Variants in CYB5A observed in about 807,000 individuals in gnomAD.
The protein encoded by CYB5A is cytochrome b5 type A, also known as cytochrome b5.
A neutral mutation model predicts 16.2 loss-of-function variants in CYB5A; 10 were observed. The observed-to-expected ratio is 0.62, with a 90% CI of 0.38 to 1.04. CYB5A has a LOEUF of 1.04. Among genes scored for constraint, CYB5A ranks in the 50% least tolerant of loss-of-function variants. CYB5A has a pLI of 0.01. For missense variants in CYB5A, 161 were observed against 165.9 expected, an observed-to-expected ratio of 0.97 and a Z score of 0.16; for synonymous variants, 62 against 57.0, an observed-to-expected ratio of 1.09 and a Z score of -0.40.
intron 1 of CYB5A, among the ~76,000 whole-genome samples, chr18:74,269,163 A>C (rs142128548): frequency 2.6e-4 from 39 of 152,302 alleles, no homozygotes; most frequent in African/African-American, 8.7e-4. Context: ...CCTGCATTGT[A>C]AACAGTAATG....
intron 1 of CYB5A, among the ~76,000 whole-genome samples, chr18:74,275,143 T>C (rs1323089339): frequency 6.6e-6 from 1 of 152,190 alleles, no homozygotes; most frequent in Non-Finnish European, 1.5e-5. Flanking sequence ...GGAGGTACCC[T>C]TCGCTGAACA....
chr18:74,266,261 T>C (rs1183942103), intron 1 of CYB5A, among the ~76,000 whole-genome samples: 1 of 152,114 alleles, frequency 6.6e-6, no homozygotes, highest in Non-Finnish European at 1.5e-5. Context: ...ACCTACTGAG[T>C]AGAGAGAAGC....
chr18:74,269,783 C>A (rs1219652557), intron 1 of CYB5A, among the ~76,000 whole-genome samples: 1 of 152,178 alleles, frequency 6.6e-6, no homozygotes, highest in Middle Eastern at 3.2e-3. Flanking sequence ...CCCCTGCTAC[C>A]ACCCAGGGAC....
At chr18:74,285,470 C>A (rs1983281945) in intron 1 of CYB5A, among the ~76,000 whole-genome samples, 1 of 152,182 alleles carries the variant, frequency 6.6e-6, no homozygotes, top group Admixed American at 6.5e-5. Flanking sequence ...CAGAAGTACA[C>A]AGCCAAATTC....
intron 2 of CYB5A, among the ~76,000 whole-genome samples, chr18:74,262,030 G>T (rs12965502): frequency 0.71 from 108,086 of 152,112 alleles, 38,581 homozygotes; most frequent in East Asian, 0.88. Context: ...CAGAGCGCTC[G>T]GCAACTTCTT....
intron 4 of CYB5A, among the ~76,000 whole-genome samples, chr18:74,255,003 G>C (rs1349705136): frequency 1.3e-5 from 2 of 152,282 alleles, no homozygotes; most frequent in South Asian, 4.1e-4. Flanking sequence ...AGAATTACAA[G>C]TGTAACTTTT....
chr18:74,269,127 T>C (rs1442682792), intron 1 of CYB5A, among the ~76,000 whole-genome samples: 1 of 152,126 alleles, frequency 6.6e-6, no homozygotes, highest in Non-Finnish European at 1.5e-5. Context: ...CAATACTAAG[T>C]GACTTTCAGG....
intron 1 of CYB5A, among the ~76,000 whole-genome samples, chr18:74,288,454 T>C (rs1290533483): frequency 2.0e-5 from 3 of 152,200 alleles, no homozygotes; most frequent in African/African-American, 7.2e-5. Flanking sequence ...ATCTTTCCTA[T>C]TTAGGTAAAT....
At position 74,290,065 on chromosome 18, in the gene CYB5A, G is replaced by A. The variant is rs1983475533; in HGVS notation, c.129+1682C>T. Among the ~76,000 whole-genome samples, 8 of 152,256 alleles carry A rather than the reference G, an allele frequency of 5.3e-5. No individual in the cohort carries two copies. The South Asian group carries it at 1.7e-3, about 32-fold the overall frequency. ...TGTATCTTAAAATTCCACATTTAGAGTTAATGAGAATTGATGTTATATGAC... is the reference window on the plus strand; with the variant it reads ...TGTATCTTAAAATTCCACATTTAGAATTAATGAGAATTGATGTTATATGAC... On this transcript the variant is annotated intron_variant, in intron 1 of 4. Coordinates refer to ENST00000340533, the MANE Select transcript of CYB5A (RefSeq NM_148923.4).
In CYB5A at chr18:74,277,435, G is replaced by T. The variant is rs370322564; in HGVS notation, c.130-13958C>A. ...AAGGTCATGGCATGAAACTAAAGAG[G>T]CCCCTCTGGCAGTCACCCAGCTTGC... On this transcript the variant is annotated intron_variant, in intron 1 of 4. Coordinates refer to ENST00000340533, the MANE Select transcript of CYB5A (RefSeq NM_148923.4). Among the ~76,000 whole-genome samples, 13 of 152,124 alleles carry T rather than the reference G, an allele frequency of 8.5e-5. No individual in the cohort carries two copies. The East Asian group carries it at 2.5e-3, about 29-fold the overall frequency.
intron 4 of CYB5A, 72 bp downstream of exon 4, chr18:74,255,669 G>T: frequency 7.9e-7 from 1 of 1,265,782 alleles, no homozygotes; most frequent in Non-Finnish European, 1.2e-6. Flanking sequence ...GAAGGTGGGG[G>T]ACGCACCTTG....
Position 74,285,872 on chromosome 18 carries a change from G to A in CYB5A, c.129+5875C>T, listed in dbSNP as rs540910177. 2.3e-3 allele frequency among the ~76,000 whole-genome samples: 336 copies of A among 148,834 alleles called. 3 individuals are homozygous for A. The highest frequency in any genetic ancestry group is 8.3e-3 in the African/African-American group (333 of 40,274). On this transcript the variant is annotated intron_variant, in intron 1 of 4. Transcript: ENST00000340533. The stretch of plus-strand genomic sequence containing the variant: ...AAAAAAAAAAAAAAAAAAAGTAGAA[G>A]TGTACATCCTTTCACCCAAGAATCC...
At chr18:74,259,973 T>C (rs1982135477) in intron 3 of CYB5A, 1 of 152,202 alleles carries the variant, frequency 6.6e-6, no homozygotes, top group South Asian at 2.1e-4. Context: ...TACTAAATAG[T>C]ATTACACAAG....
intron 3 of CYB5A, chr18:74,257,258 G>C (rs1982022545): frequency 3.9e-6 from 1 of 258,778 alleles, no homozygotes; most frequent in African/African-American, 2.3e-5. Context: ...TGGTTACCAT[G>C]GGAGAGCGCT....
At chr18:74,267,979 G>A (rs1350125699) in intron 1 of CYB5A, among the ~76,000 whole-genome samples, 1 of 152,214 alleles carries the variant, frequency 6.6e-6, no homozygotes, top group Non-Finnish European at 1.5e-5. Context: ...ATGCAAAGCT[G>A]TTTCCACGTG....
intron 1 of CYB5A, among the ~76,000 whole-genome samples, chr18:74,267,493 G>A (rs946203822): frequency 6.6e-5 from 10 of 152,108 alleles, no homozygotes; most frequent in South Asian, 2.1e-4. Context: ...TCAGCATTCC[G>A]AAGAGACAAA....
At chr18:74,260,516 TGAA>T (rs1461130779) in intron 3 of CYB5A, 4 of 315,720 alleles carry the variant, frequency 1.3e-5, no homozygotes, top group South Asian at 2.8e-5. Flanking sequence ...GACTTAAAGA[TGAA>T]GAAGACATGA....
chr18:74,289,723 T>A (rs1269694463), intron 1 of CYB5A, among the ~76,000 whole-genome samples: 1 of 143,244 alleles, frequency 7.0e-6, no homozygotes, highest in African/African-American at 2.6e-5. Flanking sequence ...TTGCAGTGAG[T>A]CGAGATCACA....
At chr18:74,280,412 A>C (rs1983049983) in intron 1 of CYB5A, among the ~76,000 whole-genome samples, 1 of 151,592 alleles carries the variant, frequency 6.6e-6, no homozygotes. Context: ...CTCTACAAAA[A>C]AAAAAAAAAA....
Sources: gnomAD v4.1 joint callset for allele counts (sites outside exome capture counted in the v4.1 genomes callset) on GRCh38, gnomAD v4.1.1 for gene constraint, MANE v1.5 for transcripts, NCBI Gene and HGNC (gene_info 2026-07-23, HGNC 2026-07-21) for gene names.